The following GAK variants were observed in gnomAD, a reference collection of about 807,000 sequenced individuals.
GAK encodes cyclin-G-associated kinase.
Under a neutral mutation model 143.9 loss-of-function variants are expected in GAK, and 79 were observed. The ratio of observed to expected loss-of-function variants is 0.55; its 90% CI spans 0.46 to 0.66. GAK has a LOEUF of 0.66. Ranked by LOEUF, GAK falls within the 30% of genes least tolerant of loss-of-function variation. The probability of loss-of-function intolerance (pLI) is 0.00; values close to 1 mark genes in which losing one functional copy is unlikely to be tolerated. For synonymous variants in GAK, 881 were observed against 765.5 expected (o/e 1.15, Z -2.49); for missense variants, 1,693 against 1,779.7 (o/e 0.95, Z 0.88).
At chr4:861,275 G>GCTTA (rs1750228132) in intron 23 of GAK, among the ~76,000 whole-genome samples, 1 of 152,306 alleles carries the variant, frequency 6.6e-6, no homozygotes, top group South Asian at 2.1e-4. Context: ...GAACAACTGA[G>GCTTA]CTTAGTGAGC....
At chr4:890,427 A>C (rs886075909) in intron 10 of GAK, 105 bp downstream of exon 10, 11 of 751,676 alleles carry the variant, frequency 1.5e-5, no homozygotes, top group African/African-American at 1.2e-4. Flanking sequence ...GTGGGAGAGG[A>C]GGCCCCGGGA....
intron 5 of GAK, among the ~76,000 whole-genome samples, chr4:899,086 A>C (rs1323828531): frequency 6.6e-6 from 1 of 151,904 alleles, no homozygotes; most frequent in African/African-American, 2.4e-5. Flanking sequence ...CCCACACAAC[A>C]CCCATCTTAA....
intron 6 of GAK, among the ~76,000 whole-genome samples, chr4:897,357 A>G (rs1343577860): frequency 1.3e-5 from 2 of 152,200 alleles, no homozygotes; most frequent in Non-Finnish European, 2.9e-5. Flanking sequence ...AAGCACGAAG[A>G]CCTGCTTTCC....
At chr4:895,844 C>T (rs1184719153) in intron 7 of GAK, among the ~76,000 whole-genome samples, 1 of 152,190 alleles carries the variant, frequency 6.6e-6, no homozygotes, top group Non-Finnish European at 1.5e-5. Flanking sequence ...GGCAGGGACA[C>T]TCCTGGGCCA....
intron 10 of GAK, among the ~76,000 whole-genome samples, chr4:889,375 TG>T (rs1179036730): frequency 6.6e-6 from 1 of 151,466 alleles, no homozygotes; most frequent in African/African-American, 2.4e-5. Flanking sequence ...GAAGGCAGAG[TG>T]GTGGCCCCTG....
intron 1 of GAK, among the ~76,000 whole-genome samples, chr4:914,512 C>T (rs1257913975): frequency 5.7e-5 from 6 of 106,156 alleles, no homozygotes; most frequent in Admixed American, 1.9e-4. Context: ...GCCCCACACA[C>T]ACACAGCCCC....
At chr4:911,818 A>G (rs1407062004) in intron 3 of GAK, 31 bp from the exon 4 acceptor site, 2 of 1,511,000 alleles carry the variant, frequency 1.3e-6, no homozygotes, top group South Asian at 1.1e-5. Flanking sequence ...GAGAACGTAC[A>G]TAACCATGTC....
chr4:849,663 C>A lies in GAK; in HGVS notation c.*10G>T, dbSNP rs756518414. On this transcript the variant is annotated 3_prime_UTR_variant, in exon 28 of 28. Transcript: ENST00000314167. ...GTGGAGCTGTGTGCGCAGCCACCAC[C>A]ACTGCGGCCTCAGAAGAGGGGCCGG... is the stretch of plus-strand genomic sequence containing the variant. 1 of 1,603,596 alleles carries A rather than the reference C, an allele frequency of 6.2e-7. No homozygotes were observed. Among genetic ancestry groups the A allele is most frequent in the South Asian group, 1.1e-5 (1 of 90,264 alleles).
intron 9 of GAK, among the ~76,000 whole-genome samples, chr4:892,213 G>T (rs1314039921): frequency 1.3e-5 from 2 of 152,212 alleles, no homozygotes; most frequent in African/African-American, 2.4e-5. Flanking sequence ...CCACTGCAGT[G>T]GCCCCTGGAA....
Position 893,930 on chromosome 4 carries a change from C to A in GAK, c.821G>T (p.Gly274Val). 6.2e-7 allele frequency: 1 copy of A among 1,612,926 alleles called. No individual in the cohort carries two copies. The highest frequency in any genetic ancestry group is 8.5e-7 in the Non-Finnish European group (1 of 1,179,696). ...GTCGTGCGGGGGGATCGAGTACTTC[C>A]CATTGACTATTCGAAGTTTCGCTCC... ...EDGAKLRIVN[G>V]KYSIPPHDTQ... Residue 274 changes from glycine to valine, a missense_variant, in exon 8 of 28, where the codon GGG becomes GTG. Gly to Val is a moderately radical substitution (Grantham distance 109). Transcript: ENST00000314167.
rs1478634476 is a variant in GAK, at chr4:849,629, TC to T, written c.*43del. On this transcript the variant is annotated 3_prime_UTR_variant, in exon 28 of 28. Transcript: ENST00000314167. The stretch of plus-strand genomic sequence containing the variant: ...GTGGGGACCCAGGTCCCACGACGGC[TC>T]CCAACCTGTGGAGCTGTGTGCGCAG... 3.3e-6 allele frequency: 5 copies of T among 1,513,820 alleles called. No individual in the cohort carries two copies. Among genetic ancestry groups the T allele is most frequent in the Non-Finnish European group, 4.6e-6 (5 of 1,097,676 alleles). 93.8% of individuals were successfully genotyped at this position (1,513,820 alleles called of 1,614,324 possible).
At chr4:891,327 T>C (rs1476260489) in intron 9 of GAK, among the ~76,000 whole-genome samples, 3 of 151,606 alleles carry the variant, frequency 2.0e-5, no homozygotes, top group Non-Finnish European at 4.4e-5. Flanking sequence ...TGCAGTGGCA[T>C]GATCTGGGCT....
At chr4:868,323 G>T (rs1711514239) in intron 20 of GAK, among the ~76,000 whole-genome samples, 1 of 152,194 alleles carries the variant, frequency 6.6e-6, no homozygotes, top group Non-Finnish European at 1.5e-5. Context: ...GACTTTGTGG[G>T]CATGTTCTTT....
chr4:850,219 C>A (rs901640582), intron 26 of GAK, 151 bp from the exon 27 acceptor site: 35 of 704,840 alleles, frequency 5.0e-5, no homozygotes, highest in Middle Eastern at 8.1e-4. Flanking sequence ...GCACGCCCTG[C>A]CCTCAACTAT....
intron 15 of GAK, among the ~76,000 whole-genome samples, chr4:880,473 T>C (rs1223393687): frequency 6.6e-6 from 1 of 152,200 alleles, no homozygotes; most frequent in Non-Finnish European, 1.5e-5. Context: ...GCCTCCCTTA[T>C]AGTAGCTGCG....
chr4:883,295 C>T lies in GAK; in HGVS notation c.1404+20G>A, dbSNP rs200486917. 6.0e-5 allele frequency: 96 copies of T among 1,611,822 alleles called. No individual in the cohort carries two copies. The South Asian group carries it at 9.2e-4, about 16-fold the overall frequency. ...AGGAAGCTCCAGAGTGGCACCAAGA[C>T]AAAGCCTGTGGCCACACACCCGGTT... On this transcript the variant is annotated intron_variant, in intron 13 of 27. Transcript: ENST00000314167.
chr4:870,256 G>GC (rs1196138323), intron 19 of GAK, among the ~76,000 whole-genome samples: 1 of 152,248 alleles, frequency 6.6e-6, no homozygotes, highest in Non-Finnish European at 1.5e-5. Context: ...ACGGCCCTGG[G>GC]CCCACCTGCC....
intron 24 of GAK, chr4:853,179 A>T (rs1459015350): frequency 6.6e-6 from 1 of 152,174 alleles, no homozygotes; most frequent in Non-Finnish European, 1.5e-5. Context: ...CAGCCTCTGG[A>T]CTGGCACTCT....
intron 24 of GAK, among the ~76,000 whole-genome samples, chr4:854,421 T>C (rs905884304): frequency 5.9e-5 from 9 of 152,212 alleles, no homozygotes; most frequent in African/African-American, 1.9e-4. Context: ...ACCTGTCCTC[T>C]TATGGGTGTG....
Sources: gnomAD v4.1 joint callset for allele counts (sites outside exome capture counted in the v4.1 genomes callset) on GRCh38, gnomAD v4.1.1 for gene constraint, MANE v1.5 for transcripts, NCBI Gene and HGNC (gene_info 2026-07-23, HGNC 2026-07-21) for gene names.